KXD1: variants seen among roughly 807,000 people sequenced by gnomAD.
The protein encoded by KXD1 is kxDL motif-containing protein 1.
Under a neutral mutation model 12.1 loss-of-function variants are expected in KXD1, and 5 were observed. The observed-to-expected ratio is 0.41, with a 90% confidence interval of 0.22 to 0.87. The LOEUF is 0.87. KXD1 is among the 40% of genes least tolerant of loss of function. The pLI is 0.31. For missense variants in KXD1, 193 were observed against 244.9 expected, an observed-to-expected ratio of 0.79 and a Z score of 1.41; for synonymous variants, 98 against 100.5, an observed-to-expected ratio of 0.98 and a Z score of 0.15.
At position 18,568,444 on chromosome 19, in the gene KXD1, C is replaced by G. The variant is rs201845025; in HGVS notation, c.344C>G (p.Pro115Arg). The change falls in exon 5 of 5, where the codon CCC (proline) becomes CGC (arginine). Residue 115 changes from proline (P) to arginine (R), a missense_variant. Physicochemically the swap from Pro to Arg is moderately radical, Grantham distance 103. Coordinates refer to ENST00000222307, the MANE Select transcript of KXD1 (RefSeq NM_024069.4). Reference sequence around the variant, plus strand: ...TTCCTGGAGGAAGAGGATGAAGACCCCATCCCACCCAGCACCACGACCACC... The same window carrying G: ...TTCCTGGAGGAAGAGGATGAAGACCGCATCCCACCCAGCACCACGACCACC... ...ASFLEEEDED[P>R]IPPSTTTTIA... The G allele has an allele frequency of 6.2e-7, 1 of 1,614,036 alleles. No homozygotes were observed. Among genetic ancestry groups the G allele is most frequent in the Non-Finnish European group, 8.5e-7 (1 of 1,179,974 alleles).
At chr19:18,564,075 C>T (rs535981160) in intron 2 of KXD1, among the ~76,000 whole-genome samples, 4 of 152,128 alleles carry the variant, frequency 2.6e-5, no homozygotes, top group East Asian at 2.0e-4. Context: ...TTGGTAGAGA[C>T]GCGGTTTTCC....
intron 4 of KXD1, among the ~76,000 whole-genome samples, chr19:18,567,476 G>A (rs567191823): frequency 6.6e-6 from 1 of 152,306 alleles, no homozygotes; most frequent in East Asian, 1.9e-4. Flanking sequence ...AACAGAGCAC[G>A]GGCTCATGTG....
chr19:18,563,243 C>T (rs1034155915), intron 2 of KXD1, among the ~76,000 whole-genome samples: 11 of 151,882 alleles, frequency 7.2e-5, no homozygotes, highest in African/African-American at 2.7e-4. Flanking sequence ...GCCAGAGGCT[C>T]TTCTCAGCTG....
intron 2 of KXD1, among the ~76,000 whole-genome samples, 165 bp from the exon 3 acceptor site, chr19:18,564,704 G>A (rs1475069516): frequency 1.3e-5 from 2 of 152,200 alleles, no homozygotes; most frequent in Non-Finnish European, 1.5e-5. Flanking sequence ...TTGAATAGGA[G>A]TTTGCTAGGT....
chr19:18,563,851 C>A (rs999627432), intron 2 of KXD1, among the ~76,000 whole-genome samples: 2 of 151,060 alleles, frequency 1.3e-5, no homozygotes, highest in Admixed American at 6.6e-5. Flanking sequence ...GTTGGCCAGA[C>A]CTCAAGTGAT....
At chr19:18,567,248 G>GCC in intron 4 of KXD1, 70 bp downstream of exon 4, 2 of 1,500,902 alleles carry the variant, frequency 1.3e-6, no homozygotes, top group Non-Finnish European at 1.9e-6. Context: ...CTTCTGGAAG[G>GCC]CCACCTTGGG....
At chr19:18,563,495 A>G (rs1600572769) in intron 2 of KXD1, among the ~76,000 whole-genome samples, 1 of 151,742 alleles carries the variant, frequency 6.6e-6, no homozygotes, top group East Asian at 1.9e-4. Flanking sequence ...ATAGGCATGC[A>G]CCACCATGCC....
chr19:18,560,369 G>C (rs1974880105), intron 1 of KXD1: 1 of 152,022 alleles, frequency 6.6e-6, no homozygotes, highest in African/African-American at 2.4e-5. Context: ...AAATGTGTGG[G>C]CCTCAGAGCC....
intron 1 of KXD1, chr19:18,560,001 C>T (rs1974866226): frequency 6.9e-6 from 1 of 145,200 alleles, no homozygotes; most frequent in Non-Finnish European, 1.5e-5. Context: ...TCCCTCCCTC[C>T]CTCCCTTCCT....
chr19:18,569,316 C>T lies in KXD1; in HGVS notation c.*685C>T, dbSNP rs1422633560. 2.6e-5 allele frequency: 4 copies of T among 152,496 alleles called. No individual in the cohort carries two copies. Among genetic ancestry groups the T allele is most frequent in the South Asian group, 4.2e-4 (2 of 4,814 alleles). 9.4% of individuals were successfully genotyped at this position (152,496 alleles called of 1,614,324 possible). On this transcript the variant is annotated 3_prime_UTR_variant, in exon 5 of 5. Transcript: ENST00000222307. ...GAGTTTAATGGAATATTTTTGTACC[C>T]GATGTTTACAGATGCTGTTGGGAAG...
chr19:18,567,069 C>T, intron 3 of KXD1, 63 bp from the exon 4 acceptor site: 2 of 1,532,042 alleles, frequency 1.3e-6, no homozygotes, highest in South Asian at 1.1e-5. Context: ...GGCTTGTGGC[C>T]AGCACCAGGC....
At chr19:18,563,995 T>C (rs1367123106) in intron 2 of KXD1, among the ~76,000 whole-genome samples, 1 of 151,864 alleles carries the variant, frequency 6.6e-6, no homozygotes, top group Non-Finnish European at 1.5e-5. Flanking sequence ...CAAATGATTC[T>C]CCTGCCTCAG....
At chr19:18,565,103 G>T in intron 3 of KXD1, 82 bp downstream of exon 3, 1 of 1,554,226 alleles carries the variant, frequency 6.4e-7, no homozygotes, top group Non-Finnish European at 8.7e-7. Context: ...CACATACCAG[G>T]GTAAAGGGAG....
chr19:18,565,050 C>A, intron 3 of KXD1, 29 bp downstream of exon 3: 1 of 1,594,050 alleles, frequency 6.3e-7, no homozygotes, highest in Non-Finnish European at 8.5e-7. Flanking sequence ...CCCAGCCCAG[C>A]TGACCTCTGC....
chr19:18,566,647 GC>G (rs1436967509), intron 3 of KXD1, among the ~76,000 whole-genome samples: 1 of 152,002 alleles, frequency 6.6e-6, no homozygotes, highest in Non-Finnish European at 1.5e-5. Flanking sequence ...AAAAAAATCA[GC>G]TGAGCATGGT....
Position 18,564,969 on chromosome 19 carries a change from A to G in KXD1, c.202A>G (p.Arg68Gly), listed in dbSNP as rs751930955. 1.2e-6 allele frequency: 2 copies of G among 1,612,002 alleles called. No individual in the cohort carries two copies. The highest frequency in any genetic ancestry group is 1.7e-6 in the Non-Finnish European group (2 of 1,179,994). The change falls in exon 3 of 5, where the codon AGG becomes GGG. Residue 68 changes from arginine (R) to glycine (G), a missense_variant. By Grantham distance (125) the Arg-to-Gly change is moderately radical. Coordinates refer to ENST00000222307, the MANE Select transcript of KXD1 (RefSeq NM_024069.4). Reference sequence around the variant, plus strand: ...GAGCGAACGCTTCCTGCACCACACGAGGACCCTAGTAGAGATGAAACGGGA... The same window carrying G: ...GAGCGAACGCTTCCTGCACCACACGGGGACCCTAGTAGAGATGAAACGGGA... ...QMSERFLHHT[R>G]TLVEMKRDLD...
intron 3 of KXD1, 150 bp downstream of exon 3, chr19:18,565,171 C>T: frequency 2.8e-6 from 4 of 1,428,818 alleles, no homozygotes; most frequent in Non-Finnish European, 3.7e-6. Flanking sequence ...ACAATTCCAA[C>T]CCTGGGATAA....
chr19:18,568,818 TTCC>T lies in KXD1; in HGVS notation c.*189_*191del. The T allele has an allele frequency of 1.7e-6, 1 of 594,840 alleles. No homozygotes were observed. Among genetic ancestry groups the T allele is most frequent in the Non-Finnish European group, 3.0e-6 (1 of 334,236 alleles). 36.8% of individuals were successfully genotyped at this position (594,840 alleles called of 1,614,324 possible). The stretch of plus-strand genomic sequence containing the variant: ...TGGGGGGGTCTTTAATTCTGGCTCC[TTCC>T]TTCCTCAGAACATCTCTATTCTGCA... On this transcript the variant is annotated 3_prime_UTR_variant, in exon 5 of 5. Transcript: ENST00000222307.
chr19:18,559,339 T>C (rs1345521691), intron 1 of KXD1: 4 of 152,118 alleles, frequency 2.6e-5, no homozygotes, highest in African/African-American at 9.7e-5. Flanking sequence ...ACTGGGTGTC[T>C]CTGCATGGCA....
Sources: gnomAD v4.1 joint callset for allele counts (sites outside exome capture counted in the v4.1 genomes callset) on GRCh38, gnomAD v4.1.1 for gene constraint, MANE v1.5 for transcripts, NCBI Gene and HGNC (gene_info 2026-07-23, HGNC 2026-07-21) for gene names.